Variants in NCAM2 observed in about 807,000 individuals in gnomAD.
NCAM2 encodes the protein neural cell adhesion molecule 2.
In NCAM2, 30 loss-of-function variants were observed where a neutral mutation model predicts 98.1. That is an observed-to-expected ratio of 0.31 (90% CI 0.23 to 0.41). NCAM2 has a LOEUF of 0.41. Ranked by LOEUF, NCAM2 falls within the 10% of genes least tolerant of loss-of-function variation. The pLI is 1.00. For synonymous variants in NCAM2, 368 were observed against 342.4 expected, an observed-to-expected ratio of 1.07 and a Z score of -0.83; for missense variants, 867 against 1,005.8, an observed-to-expected ratio of 0.86 and a Z score of 1.87.
At chr21:21,024,756 G>C (rs769958766) in intron 1 of NCAM2, among the ~76,000 whole-genome samples, 1 of 151,882 alleles carries the variant, frequency 6.6e-6, no homozygotes, top group Non-Finnish European at 1.5e-5. Flanking sequence ...GCATGGTGGC[G>C]CATGCCTGTA....
At position 21,371,355 on chromosome 21, in the gene NCAM2, T is replaced by A. The variant is rs73894636; in HGVS notation, c.1045-2508T>A. 2.2e-3 allele frequency among the ~76,000 whole-genome samples: 334 copies of A among 151,912 alleles called. 1 individual carries two copies. Among genetic ancestry groups the A allele is most frequent in the African/African-American group, 7.5e-3 (313 of 41,498 alleles). The stretch of plus-strand genomic sequence containing the variant: ...TGTCTTTACCTCAGAGTATTTGAAG[T>A]TGAGTTTACTTACTCGATAGAGAAA... On this transcript the variant is annotated intron_variant, in intron 8 of 17. Transcript: ENST00000400546.
chr21:21,032,383 C>T (rs6518040), intron 1 of NCAM2, among the ~76,000 whole-genome samples: 109,604 of 151,998 alleles, frequency 0.72, 39,856 homozygotes, highest in Admixed American at 0.79. Context: ...TGAGATTTCC[C>T]TTATAATGTA....
chr21:21,373,283 A>C (rs961830975), intron 8 of NCAM2, among the ~76,000 whole-genome samples: 1 of 151,914 alleles, frequency 6.6e-6, no homozygotes, highest in Non-Finnish European at 1.5e-5. Flanking sequence ...AGTAAAAGCA[A>C]CTTATTCCAA....
At chr21:21,052,811 C>T (rs2065138479) in intron 1 of NCAM2, among the ~76,000 whole-genome samples, 1 of 152,084 alleles carries the variant, frequency 6.6e-6, no homozygotes, top group Non-Finnish European at 1.5e-5. Context: ...TATTTACTCT[C>T]TTTTTTTCCA....
intron 8 of NCAM2, among the ~76,000 whole-genome samples, chr21:21,345,780 A>G (rs1450393774): frequency 1.3e-5 from 2 of 152,082 alleles, no homozygotes; most frequent in African/African-American, 4.8e-5. Context: ...AACACAAAAG[A>G]TTTCCCTAAA....
chr21:21,327,313 A>AAAAAAAAAAAAG (rs2074544748), intron 6 of NCAM2, among the ~76,000 whole-genome samples: 1 of 151,216 alleles, frequency 6.6e-6, no homozygotes, highest in African/African-American at 2.4e-5. Context: ...TCTCAAAAAA[A>AAAAAAAAAAAAG]AAAAAAAAAA....
At chr21:21,146,652 TA>T (rs989155955) in intron 1 of NCAM2, among the ~76,000 whole-genome samples, 1 of 151,126 alleles carries the variant, frequency 6.6e-6, no homozygotes, top group Non-Finnish European at 1.5e-5. Flanking sequence ...AGAACAGCTT[TA>T]AAAAAAACTT....
chr21:21,205,969 A>G (rs2069422180), intron 1 of NCAM2, among the ~76,000 whole-genome samples: 1 of 152,100 alleles, frequency 6.6e-6, no homozygotes, highest in Non-Finnish European at 1.5e-5. Context: ...CAAAAGTCCA[A>G]CTCCTGAAAC....
At position 21,389,305 on chromosome 21, in the gene NCAM2, C is replaced by T. The variant is rs76367476; in HGVS notation, c.1195+15292C>T. On this transcript the variant is annotated intron_variant, in intron 9 of 17. Transcript: ENST00000400546. ...ATGTTATGAGACTTACTCAGTATCA[C>T]AAGAACAGCACTGGAAAGACCCACT... is the stretch of plus-strand genomic sequence containing the variant. Among the ~76,000 whole-genome samples the T allele has an allele frequency of 9.5e-3, 1,446 of 152,212 alleles. 47 individuals carry two copies. Among genetic ancestry groups the T allele is most frequent in the Admixed American group, 0.056 (857 of 15,280 alleles).
chr21:21,298,875 A>G (rs1046461406), intron 5 of NCAM2, among the ~76,000 whole-genome samples: 2 of 151,268 alleles, frequency 1.3e-5, no homozygotes, highest in Non-Finnish European at 3.0e-5. Flanking sequence ...GAATTTTCTC[A>G]TTGTTTGAAT....
rs1191910182 is a variant in NCAM2, at chr21:21,038,910, TC to T, written c.55+40293del. On this transcript the variant is annotated intron_variant, in intron 1 of 17. Coordinates refer to ENST00000400546, the MANE Select transcript of NCAM2 (RefSeq NM_004540.5). ...ACCTCTTTCTTCTACAGGAAGACCT[TC>T]TTTTGATATGTATAATCTTAGAATT... Among the ~76,000 whole-genome samples, 14 of 152,278 alleles carry T rather than the reference TC, an allele frequency of 9.2e-5. No homozygotes were observed. In the East Asian group the frequency reaches 2.7e-3, roughly 29 times the overall value.
chr21:21,035,053 T>C (rs2064769727), intron 1 of NCAM2, among the ~76,000 whole-genome samples: 1 of 152,158 alleles, frequency 6.6e-6, no homozygotes, highest in Non-Finnish European at 1.5e-5. Context: ...GTCTCTAAAA[T>C]ATCTTGAGGT....
intron 1 of NCAM2, among the ~76,000 whole-genome samples, chr21:21,211,763 A>G (rs549604268): frequency 6.6e-6 from 1 of 152,150 alleles, no homozygotes. Flanking sequence ...CTCATGGAAT[A>G]TTAACTTCCT....
chr21:21,526,944 C>T (rs1393499764), intron 16 of NCAM2, among the ~76,000 whole-genome samples: 1 of 152,066 alleles, frequency 6.6e-6, no homozygotes, highest in Admixed American at 6.6e-5. Flanking sequence ...TATCTAGCCA[C>T]AGACATTATG....
intron 1 of NCAM2, among the ~76,000 whole-genome samples, chr21:21,034,710 A>C (rs570345096): frequency 1.6e-4 from 24 of 152,338 alleles, no homozygotes; most frequent in Non-Finnish European, 3.4e-4. Context: ...ATAGGGCTAG[A>C]ATCTATTAAC....
chr21:21,076,785 C>G (rs902558510), intron 1 of NCAM2, among the ~76,000 whole-genome samples: 3 of 152,012 alleles, frequency 2.0e-5, no homozygotes, highest in African/African-American at 7.2e-5. Flanking sequence ...TTCAGCTGGT[C>G]TTTTGTCTTG....
chr21:21,022,687 A>G (rs1235593375), intron 1 of NCAM2, among the ~76,000 whole-genome samples: 4 of 152,140 alleles, frequency 2.6e-5, no homozygotes, highest in East Asian at 1.9e-4. Context: ...TTTCATTTCA[A>G]TAGTCCATTT....
Position 21,338,550 on chromosome 21 carries a change from T to C in NCAM2, c.1044+16T>C, listed in dbSNP as rs774464154. ...AGGCGATAAGGTAACCACATCTCAA[T>C]ATGTAATGGTTTCCATTACCATGCA... On this transcript the variant is annotated intron_variant, in intron 8 of 17. Coordinates refer to ENST00000400546, the MANE Select transcript of NCAM2 (RefSeq NM_004540.5). 3 of 1,571,702 alleles carry C rather than the reference T, an allele frequency of 1.9e-6. No homozygotes were observed. Among genetic ancestry groups the C allele is most frequent in the Admixed American group, 2.0e-5 (1 of 51,236 alleles).
chr21:21,100,696 G>A (rs1036027749), intron 1 of NCAM2, among the ~76,000 whole-genome samples: 1 of 151,876 alleles, frequency 6.6e-6, no homozygotes, highest in African/African-American at 2.4e-5. Context: ...GGTGTAGTTG[G>A]CCTTTCATTG....
Sources: gnomAD v4.1 joint callset for allele counts (sites outside exome capture counted in the v4.1 genomes callset) on GRCh38, gnomAD v4.1.1 for gene constraint, MANE v1.5 for transcripts, NCBI Gene and HGNC (gene_info 2026-07-23, HGNC 2026-07-21) for gene names.